The following SLC22A8 variants were observed in gnomAD, a reference collection of about 807,000 sequenced individuals.
SLC22A8 encodes the protein solute carrier family 22 member 8.
In SLC22A8, 40 loss-of-function variants were observed where a neutral mutation model predicts 48.4. That is an observed-to-expected ratio of 0.83 (90% confidence interval 0.64 to 1.08). The LOEUF (loss-of-function observed/expected upper bound fraction) is 1.08, where lower values mean the gene tolerates loss of function less well. Ranked by LOEUF, SLC22A8 falls within the 50% of genes least tolerant of loss-of-function variation. The pLI, the probability that SLC22A8 is intolerant of heterozygous loss-of-function variation, is 0.00. For synonymous variants in SLC22A8, 268 were observed against 286.3 expected (o/e 0.94, Z 0.65); for missense variants, 606 against 699.0 (o/e 0.87, Z 1.50).
At chr11:63,010,847 C>G (rs1590701223) in intron 2 of SLC22A8, among the ~76,000 whole-genome samples, 2 of 152,226 alleles carry the variant, frequency 1.3e-5, no homozygotes, top group Non-Finnish European at 2.9e-5. Flanking sequence ...TGCAACCTCT[C>G]TCTCCGTCTG....
intron 2 of SLC22A8, among the ~76,000 whole-genome samples, chr11:63,011,966 A>G (rs371573122): frequency 1.6e-4 from 24 of 149,658 alleles, no homozygotes; most frequent in South Asian, 4.2e-4. Context: ...GGAAACTGCA[A>G]TCTTGACTTT....
At chr11:62,997,671 C>T (rs1262582996) in intron 5 of SLC22A8, among the ~76,000 whole-genome samples, 1 of 152,222 alleles carries the variant, frequency 6.6e-6, no homozygotes, top group East Asian at 1.9e-4. Flanking sequence ...TGCCCATCCC[C>T]TCTGGGAGCT....
chr11:62,993,178 C>G lies in SLC22A8; in HGVS notation c.*59G>C. On this transcript the variant is annotated 3_prime_UTR_variant, in exon 11 of 11. Transcript: ENST00000336232. ...GACCTATATGGGGCCTCCCTATACT[C>G]CTAAGGTGCCTGGCTAGGATCAGTC... 1 of 1,374,910 alleles carries G rather than the reference C, an allele frequency of 7.3e-7. No individual in the cohort carries two copies. The highest frequency in any genetic ancestry group is 1.0e-6 in the Non-Finnish European group (1 of 983,788). The allele number at this position is 1,374,910 out of a possible 1,614,324, so 85.2% of individuals were successfully genotyped here. A position where few individuals can be genotyped will look rare whatever the true frequency, so the allele number is the denominator to read the frequency against.
At position 63,014,997 on chromosome 11, in the gene SLC22A8, A is replaced by C. The variant is rs746849884; in HGVS notation, c.-25-14T>G. On this transcript the variant is annotated splice_polypyrimidine_tract_variant and intron_variant, in intron 1 of 10. Coordinates refer to ENST00000336232, the MANE Select transcript of SLC22A8 (RefSeq NM_004254.4). Reference sequence around the variant, plus strand: ...GACGAGCCAGAGCTGTGGGCAGGGCATAGGCCAGGGAGAGGTATATTTGTG... The same window carrying C: ...GACGAGCCAGAGCTGTGGGCAGGGCCTAGGCCAGGGAGAGGTATATTTGTG... 4 of 1,509,794 alleles carry C rather than the reference A, an allele frequency of 2.6e-6. No homozygotes were observed. Among genetic ancestry groups the C allele is most frequent in the Non-Finnish European group, 3.6e-6 (4 of 1,121,238 alleles). 93.5% of individuals were successfully genotyped at this position (1,509,794 alleles called of 1,614,324 possible).
intron 7 of SLC22A8, 139 bp from the exon 8 acceptor site, chr11:62,994,895 C>T: frequency 1.5e-6 from 1 of 686,210 alleles, no homozygotes. Flanking sequence ...GCTTGAGTGT[C>T]CTTTTGAGGT....
At position 63,011,835 on chromosome 11, in the gene SLC22A8, C is replaced by T. The variant is rs182973346; in HGVS notation, c.333+2791G>A. Among the ~76,000 whole-genome samples, 5 of 152,236 alleles carry T rather than the reference C, an allele frequency of 3.3e-5. 1 individual carries two copies. In the East Asian group the frequency reaches 9.6e-4, roughly 29 times the overall value. ...ACCACAGTCACTGGCTCCCCATTGC[C>T]CTTAGGACAAAGGCCACACCTTTAC... On this transcript the variant is annotated intron_variant, in intron 2 of 10. Transcript: ENST00000336232.
chr11:63,005,941 C>T (rs1386376450), intron 2 of SLC22A8, among the ~76,000 whole-genome samples: 1 of 152,140 alleles, frequency 6.6e-6, no homozygotes, highest in African/African-American at 2.4e-5. Flanking sequence ...GAAGGAACTG[C>T]TGGCTTTATA....
At chr11:62,999,402 T>C in intron 4 of SLC22A8, 2 of 481,874 alleles carry the variant, frequency 4.2e-6, no homozygotes, top group Non-Finnish European at 7.4e-6. Context: ...AGTTTCCTGA[T>C]CTGTAAAATG....
At chr11:63,009,464 T>C (rs1277248335) in intron 2 of SLC22A8, among the ~76,000 whole-genome samples, 1 of 152,042 alleles carries the variant, frequency 6.6e-6, no homozygotes, top group African/African-American at 2.4e-5. Context: ...CTTAGAGAGA[T>C]GGGTCTTGCT....
At chr11:62,997,685 A>G (rs1250259121) in intron 5 of SLC22A8, among the ~76,000 whole-genome samples, 3 of 152,146 alleles carry the variant, frequency 2.0e-5, no homozygotes, top group Admixed American at 6.5e-5. Flanking sequence ...GGGAGCTGCT[A>G]TTCTCATTTC....
intron 5 of SLC22A8, among the ~76,000 whole-genome samples, chr11:62,998,296 G>A (rs778525781): frequency 6.6e-6 from 1 of 152,050 alleles, no homozygotes; most frequent in African/African-American, 2.4e-5. Flanking sequence ...CTTTCAGTGT[G>A]GCCTCGGGTT....
chr11:63,000,794 CA>C lies in SLC22A8; in HGVS notation c.362del (p.Leu121ArgfsTer14). 5 of 1,614,118 alleles carry C rather than the reference CA, an allele frequency of 3.1e-6. No individual in the cohort carries two copies. The highest frequency in any genetic ancestry group is 4.2e-6 in the Non-Finnish European group (5 of 1,179,962). Reference sequence around the variant, plus strand: ...TGAAGATAGACTGGGCCATCTCCTTCAGTTTGTTGGAGTTGCACACCAAGTC... The same window carrying C: ...TGAAGATAGACTGGGCCATCTCCTTCGTTTGTTGGAGTTGCACACCAAGTC... ...EWDLVCNSNK[L>X]KEMAQSIFMA... On this transcript the variant is annotated frameshift_variant, in exon 3 of 11. Coordinates refer to ENST00000336232, the MANE Select transcript of SLC22A8 (RefSeq NM_004254.4). LOFTEE classifies it high-confidence loss of function.
At chr11:63,000,615 C>A in intron 3 of SLC22A8, 105 bp downstream of exon 3, 1 of 769,726 alleles carries the variant, frequency 1.3e-6, no homozygotes, top group African/African-American at 1.7e-5. Flanking sequence ...AGCCATCCCA[C>A]CCTCCCCCAG....
At chr11:62,995,514 T>C (rs1012338651) in intron 7 of SLC22A8, 190 bp downstream of exon 7, 2 of 591,970 alleles carry the variant, frequency 3.4e-6, no homozygotes, top group Admixed American at 3.0e-5. Flanking sequence ...CAGACCCTGA[T>C]GGCTGGACCT....
At chr11:63,007,062 C>T (rs1445941299) in intron 2 of SLC22A8, among the ~76,000 whole-genome samples, 1 of 152,174 alleles carries the variant, frequency 6.6e-6, no homozygotes, top group African/African-American at 2.4e-5. Context: ...AAACCTATAG[C>T]AGATGTCTTG....
intron 2 of SLC22A8, among the ~76,000 whole-genome samples, chr11:63,009,587 T>A (rs759845166): frequency 6.6e-6 from 1 of 152,230 alleles, no homozygotes; most frequent in Non-Finnish European, 1.5e-5. Context: ...GTTCCCATGC[T>A]TTCTAGACTT....
intron 2 of SLC22A8, among the ~76,000 whole-genome samples, chr11:63,008,365 G>C (rs1220699227): frequency 6.6e-6 from 1 of 152,190 alleles, no homozygotes; most frequent in East Asian, 1.9e-4. Flanking sequence ...GTCTAGCTTA[G>C]GGGAGAATTG....
intron 2 of SLC22A8, among the ~76,000 whole-genome samples, chr11:63,011,407 A>G (rs2086617816): frequency 6.6e-6 from 1 of 152,162 alleles, no homozygotes. Context: ...GTTCTCTGTG[A>G]GATTTTTGTT....
chr11:62,993,849 CA>C lies in SLC22A8; in HGVS notation c.1245del (p.Val416CysfsTer33), dbSNP rs1462256862. On this transcript the variant is annotated frameshift_variant, in exon 9 of 11. Coordinates refer to ENST00000336232, the MANE Select transcript of SLC22A8 (RefSeq NM_004254.4). LOFTEE classifies it high-confidence loss of function. ...CTGGATAGGCATCCCTTCCCAAACA[CA>C]GCCAATACTGTCCTCACGGTCTGCA... is the stretch of plus-strand genomic sequence containing the variant. ...LDLQTVRTVL[A>X]VFGKGCLSSS... 6.2e-7 allele frequency: 1 copy of C among 1,613,670 alleles called. No individual in the cohort carries two copies. The highest frequency in any genetic ancestry group is 8.5e-7 in the Non-Finnish European group (1 of 1,179,550).
Sources: allele counts gnomAD v4.1 joint callset (sites outside exome capture counted in the v4.1 genomes callset), GRCh38; gene constraint gnomAD v4.1.1; transcripts MANE v1.5; gene names NCBI Gene and HGNC (gene_info 2026-07-23, HGNC 2026-07-21).